Variants in PTPRS observed in about 807,000 individuals in gnomAD.
PTPRS encodes the protein receptor-type tyrosine-protein phosphatase S.
A neutral mutation model predicts 215.3 loss-of-function variants in PTPRS; 63 were observed. The ratio of observed to expected loss-of-function variants is 0.29; its 90% CI spans 0.24 to 0.36. PTPRS has a LOEUF of 0.36. Among genes scored for constraint, PTPRS ranks in the 10% least tolerant of loss-of-function variants. The pLI is 1.00. For synonymous variants in PTPRS, 1,404 were observed against 1,191.4 expected, an observed-to-expected ratio of 1.18 and a Z score of -3.68; for missense variants, 2,258 against 2,825.8, an observed-to-expected ratio of 0.80 and a Z score of 4.56.
chr19:5,302,348 G>C (rs1394710452), intron 1 of PTPRS, among the ~76,000 whole-genome samples: 1 of 152,166 alleles, frequency 6.6e-6, no homozygotes, highest in Non-Finnish European at 1.5e-5. Context: ...TTGGGTGACA[G>C]AGGGAGGCCC....
intron 10 of PTPRS, 64 bp downstream of exon 10, chr19:5,245,712 G>T: frequency 6.7e-7 from 1 of 1,502,116 alleles, no homozygotes; most frequent in Non-Finnish European, 8.9e-7. Flanking sequence ...TCCCACCTGT[G>T]CCTGAAGTCG....
intron 3 of PTPRS, 30 bp from the exon 4 acceptor site, chr19:5,273,613 G>C (rs775030699): frequency 1.2e-6 from 2 of 1,613,314 alleles, no homozygotes; most frequent in Admixed American, 1.7e-5. Context: ...AAAGAACAGA[G>C]TGAGGCTGGG....
intron 6 of PTPRS, among the ~76,000 whole-genome samples, chr19:5,262,103 C>T (rs368111715): frequency 4.6e-5 from 7 of 152,028 alleles, no homozygotes; most frequent in African/African-American, 7.2e-5. Flanking sequence ...GGTGAAACCC[C>T]GTCTCTACTA....
chr19:5,234,375 G>C (rs1468706466), intron 13 of PTPRS, among the ~76,000 whole-genome samples: 2 of 152,058 alleles, frequency 1.3e-5, no homozygotes, highest in African/African-American at 4.8e-5. Flanking sequence ...ACACCTACTG[G>C]TGTCAGGTAC....
At position 5,221,005 on chromosome 19, in the gene PTPRS, A is replaced by G; in HGVS notation, c.3450T>C (p.Pro1150=). ...VYLPDGQSPV[P]VQSYFIVMVP... Reference sequence around the variant, plus strand: ...GAGCATGGGGGTGAGCATACTGGACAGGCACGGGGCTCTGGCCGTCAGGAA... The same window carrying G: ...GAGCATGGGGGTGAGCATACTGGACGGGCACGGGGCTCTGGCCGTCAGGAA... The change falls in exon 20 of 38, where the codon CCT becomes CCC. Residue 1150 remains proline (P), a synonymous_variant. Coordinates refer to ENST00000262963, the MANE Select transcript of PTPRS (RefSeq NM_002850.4). 1 of 1,608,698 alleles carries G rather than the reference A, an allele frequency of 6.2e-7. No individual in the cohort carries two copies. Among genetic ancestry groups the G allele is most frequent in the Non-Finnish European group, 8.5e-7 (1 of 1,176,874 alleles).
chr19:5,225,920 G>T, intron 16 of PTPRS, 76 bp from the exon 17 acceptor site: 1 of 1,244,700 alleles, frequency 8.0e-7, no homozygotes, highest in South Asian at 1.2e-5. Context: ...CCCGTGCTGA[G>T]AACAAGCAAG....
intron 1 of PTPRS, among the ~76,000 whole-genome samples, chr19:5,329,513 C>G (rs2050258135): frequency 6.6e-6 from 1 of 152,180 alleles, no homozygotes; most frequent in African/African-American, 2.4e-5. Context: ...CGCCTGGAAT[C>G]CTAGCACTTT....
At chr19:5,307,059 CT>C (rs1040713191) in intron 1 of PTPRS, among the ~76,000 whole-genome samples, 13 of 152,194 alleles carry the variant, frequency 8.5e-5, no homozygotes, top group Non-Finnish European at 1.8e-4. Context: ...AATCCCAGCA[CT>C]TTGGGAGGCT....
chr19:5,340,441 C>T (rs2050656900), intron 1 of PTPRS, among the ~76,000 whole-genome samples: 2 of 150,716 alleles, frequency 1.3e-5, no homozygotes, highest in South Asian at 4.1e-4. Flanking sequence ...CCAGCGCGGC[C>T]CCGGCCCTGT....
chr19:5,239,117 CAGAA>C (rs2043754102), intron 12 of PTPRS, 54 bp from the exon 13 acceptor site: 1 of 1,238,220 alleles, frequency 8.1e-7, no homozygotes, highest in Non-Finnish European at 1.1e-6. Context: ...GAGAGAGAGA[CAGAA>C]ACAAAGGGGA....
At chr19:5,308,798 TG>T (rs771358305) in intron 1 of PTPRS, among the ~76,000 whole-genome samples, 3 of 152,238 alleles carry the variant, frequency 2.0e-5, no homozygotes, top group Non-Finnish European at 4.4e-5. Context: ...ATGGCTTTTA[TG>T]GTAATCAGCA....
intron 4 of PTPRS, among the ~76,000 whole-genome samples, chr19:5,266,922 A>G (rs960957010): frequency 2.0e-5 from 3 of 152,096 alleles, no homozygotes; most frequent in Non-Finnish European, 2.9e-5. Flanking sequence ...ACCTGGGACT[A>G]GCTCCAACTC....
At chr19:5,250,801 G>C (rs1004609839) in intron 9 of PTPRS, among the ~76,000 whole-genome samples, 4 of 151,408 alleles carry the variant, frequency 2.6e-5, no homozygotes, top group Non-Finnish European at 5.9e-5. Context: ...AACCAAAAAA[G>C]GGGGTTGGGA....
chr19:5,256,582 C>A (rs2045571949), intron 8 of PTPRS, among the ~76,000 whole-genome samples: 1 of 152,136 alleles, frequency 6.6e-6, no homozygotes, highest in African/African-American at 2.4e-5. Flanking sequence ...TCTTTTGAGC[C>A]CTGCTGGATT....
rs1016777901 is a variant in PTPRS, at chr19:5,223,224, A to G, written c.2568T>C (p.Ala856=). ...CCAGCACCTGGTCCTCCGCGGTGCCAGCCGGGGGCTCCCAGCGTGCCAGCA... is the reference window on the plus strand; with the variant it reads ...CCAGCACCTGGTCCTCCGCGGTGCCGGCCGGGGGCTCCCAGCGTGCCAGCA... The part of the protein sequence containing the change: ...GSLLARWEPP[A]GTAEDQVLGY... Residue 856 remains alanine, a synonymous_variant, in exon 18 of 38, where the codon GCT becomes GCC. Coordinates refer to ENST00000262963, the MANE Select transcript of PTPRS (RefSeq NM_002850.4). 8 of 1,497,586 alleles carry G rather than the reference A, an allele frequency of 5.3e-6. No individual in the cohort carries two copies. Among genetic ancestry groups the G allele is most frequent in the Middle Eastern group, 1.8e-4 (1 of 5,696 alleles). The allele number at this position is 1,497,586 out of a possible 1,614,324, so 92.8% of individuals were successfully genotyped here. A position where few individuals can be genotyped will look rare whatever the true frequency, so the allele number is the denominator to read the frequency against.
intron 16 of PTPRS, among the ~76,000 whole-genome samples, chr19:5,226,178 C>T (rs545894834): frequency 5.1e-4 from 77 of 152,294 alleles, no homozygotes; most frequent in African/African-American, 1.7e-3. Flanking sequence ...GGTCCGTCCC[C>T]GCTCTCCCCA....
chr19:5,305,763 A>T (rs866208326), intron 1 of PTPRS, among the ~76,000 whole-genome samples: 3,747 of 113,530 alleles, frequency 0.033, 68 homozygotes, highest in East Asian at 0.059. Flanking sequence ...ATATATATAT[A>T]TATTTTTTTT....
At chr19:5,289,671 C>T (rs989298292) in intron 1 of PTPRS, among the ~76,000 whole-genome samples, 9 of 152,232 alleles carry the variant, frequency 5.9e-5, no homozygotes, top group Admixed American at 2.6e-4. Flanking sequence ...GTCCTGCCCC[C>T]GGGCCTTTGC....
chr19:5,228,460 C>T (rs887736261), intron 16 of PTPRS, among the ~76,000 whole-genome samples: 2 of 151,938 alleles, frequency 1.3e-5, no homozygotes, highest in South Asian at 2.1e-4. Flanking sequence ...ATTCTCCTGC[C>T]TCAGCCTCCC....
Sources: gnomAD v4.1 joint callset for allele counts (sites outside exome capture counted in the v4.1 genomes callset) on GRCh38, gnomAD v4.1.1 for gene constraint, MANE v1.5 for transcripts, NCBI Gene and HGNC (gene_info 2026-07-23, HGNC 2026-07-21) for gene names.